The following PAK1 variants were observed in gnomAD, a reference collection of about 807,000 sequenced individuals.
The protein encoded by PAK1 is p21 (RAC1) activated kinase 1.
A neutral mutation model predicts 67.4 loss-of-function variants in PAK1; 29 were observed. That is an observed-to-expected ratio of 0.43 (90% confidence interval 0.32 to 0.59). PAK1 has a LOEUF of 0.59. Among genes scored for constraint, PAK1 ranks in the 20% least tolerant of loss-of-function variants. The probability of loss-of-function intolerance (pLI) is 0.07; values close to 1 mark genes in which losing one functional copy is unlikely to be tolerated. For missense variants in PAK1, 337 were observed against 670.7 expected (o/e 0.50, Z 5.50); for synonymous variants, 223 against 237.4 (o/e 0.94, Z 0.56).
chr11:77,391,046 T>G (rs1001212166), intron 2 of PAK1, among the ~76,000 whole-genome samples: 4 of 152,284 alleles, frequency 2.6e-5, no homozygotes, highest in African/African-American at 9.6e-5. Flanking sequence ...CCTAATTTGT[T>G]CCTTCTTTCT....
chr11:77,374,458 C>A, intron 4 of PAK1, 93 bp from the exon 5 acceptor site: 1 of 782,132 alleles, frequency 1.3e-6, no homozygotes, highest in Non-Finnish European at 2.2e-6. Flanking sequence ...CAAGCACGTG[C>A]CAGATTCAGA....
chr11:77,335,367 TCAG>T (rs1178464393), intron 13 of PAK1, among the ~76,000 whole-genome samples: 1 of 152,216 alleles, frequency 6.6e-6, no homozygotes, highest in Non-Finnish European at 1.5e-5. Flanking sequence ...ACACTTCAAA[TCAG>T]CACATTCAAA....
chr11:77,478,401 C>T (rs1362365481), upstream of PAK1, among the ~76,000 whole-genome samples: 3 of 152,162 alleles, frequency 2.0e-5, no homozygotes, highest in East Asian at 1.9e-4. Context: ...GCTCTTCTTA[C>T]ACTTTCTTTG....
chr11:77,475,837 CAG>C (rs1289638697), upstream of PAK1: 1 of 152,210 alleles, frequency 6.6e-6, no homozygotes, highest in Non-Finnish European at 1.5e-5. Context: ...GCACCTAAAA[CAG>C]TGCTTGACAT....
intron 1 of PAK1, among the ~76,000 whole-genome samples, chr11:77,398,896 A>C (rs1565666921): frequency 6.6e-6 from 1 of 152,226 alleles, no homozygotes; most frequent in African/African-American, 2.4e-5. Flanking sequence ...GGCAAATATA[A>C]AAATGTTATT....
chr11:77,431,973 T>C (rs1955881447), intron 1 of PAK1, among the ~76,000 whole-genome samples: 1 of 152,202 alleles, frequency 6.6e-6, no homozygotes, highest in Non-Finnish European at 1.5e-5. Context: ...TTTATCCCAC[T>C]CTTGTACTCT....
intron 1 of PAK1, among the ~76,000 whole-genome samples, chr11:77,428,008 G>A (rs1955645023): frequency 6.6e-6 from 1 of 152,176 alleles, no homozygotes; most frequent in Non-Finnish European, 1.5e-5. Context: ...AGCCAGTGGC[G>A]ATAGTTGGAG....
At chr11:77,377,331 A>C (rs1304525320) in intron 4 of PAK1, among the ~76,000 whole-genome samples, 1 of 152,208 alleles carries the variant, frequency 6.6e-6, no homozygotes, top group Non-Finnish European at 1.5e-5. Context: ...GAGGATGGTA[A>C]ATAGGGAAAG....
intron 1 of PAK1, among the ~76,000 whole-genome samples, chr11:77,414,205 A>G (rs1188036115): frequency 6.6e-6 from 1 of 152,250 alleles, no homozygotes; most frequent in Non-Finnish European, 1.5e-5. Flanking sequence ...TCTCCAAGAT[A>G]AATACTCCCA....
At chr11:77,361,980 C>T (rs1278662604) in intron 5 of PAK1, among the ~76,000 whole-genome samples, 2 of 152,062 alleles carry the variant, frequency 1.3e-5, no homozygotes, top group Non-Finnish European at 2.9e-5. Context: ...AAACAAGATA[C>T]TAGAACCAAA....
At chr11:77,420,208 C>T (rs113442358) in intron 1 of PAK1, among the ~76,000 whole-genome samples, 5 of 152,044 alleles carry the variant, frequency 3.3e-5, no homozygotes, top group African/African-American at 1.2e-4. Flanking sequence ...GAGTGAATCA[C>T]AAAAACAAAG....
At position 77,323,176 on chromosome 11, in the gene PAK1, G is replaced by A; in HGVS notation, c.*98C>T. ...AGTGCTAGATCAGGAAATGGGAGAAGCAAGGCAAGGAGAAGAGGGCATCAG... is the reference window on the plus strand; with the variant it reads ...AGTGCTAGATCAGGAAATGGGAGAAACAAGGCAAGGAGAAGAGGGCATCAG... On this transcript the variant is annotated 3_prime_UTR_variant, in exon 15 of 15. Coordinates refer to ENST00000356341, the MANE Select transcript of PAK1 (RefSeq NM_002576.5). 6.4e-7 allele frequency: 1 copy of A among 1,572,230 alleles called. No homozygotes were observed.
chr11:77,512,318 T>C, the PAK1 span, among the ~76,000 whole-genome samples: 1 of 152,134 alleles, frequency 6.6e-6, no homozygotes, highest in African/African-American at 2.4e-5. Context: ...CTGTGGTCCA[T>C]GGTGAGTGCC....
intron 1 of PAK1, among the ~76,000 whole-genome samples, chr11:77,415,628 A>T (rs1434646952): frequency 2.6e-5 from 4 of 152,124 alleles, no homozygotes; most frequent in Non-Finnish European, 5.9e-5. Flanking sequence ...AAAAAAAAAC[A>T]GTACATATGT....
At chr11:77,378,483 C>G (rs1486613755) in intron 4 of PAK1, among the ~76,000 whole-genome samples, 1 of 152,094 alleles carries the variant, frequency 6.6e-6, no homozygotes, top group African/African-American at 2.4e-5. Flanking sequence ...TATTAAATAA[C>G]TAATAATAAT....
At chr11:77,461,776 A>C (rs527304939) in intron 1 of PAK1, among the ~76,000 whole-genome samples, 1 of 152,226 alleles carries the variant, frequency 6.6e-6, no homozygotes, top group African/African-American at 2.4e-5. Context: ...TTAATGGAAC[A>C]AAGTCACATT....
At chr11:77,325,360 A>C (rs1363807586) in intron 14 of PAK1, 5 of 1,613,606 alleles carry the variant, frequency 3.1e-6, no homozygotes, top group Admixed American at 3.3e-5. Flanking sequence ...AAACACTTGA[A>C]ACCTCAGTTT....
intron 1 of PAK1, among the ~76,000 whole-genome samples, chr11:77,395,589 T>A (rs555405126): frequency 1.4e-4 from 21 of 151,362 alleles, no homozygotes; most frequent in Non-Finnish European, 2.5e-4. Flanking sequence ...TATTTACTTA[T>A]ACACACACAC....
chr11:77,493,197 C>T, the PAK1 span, among the ~76,000 whole-genome samples: 1 of 151,650 alleles, frequency 6.6e-6, no homozygotes, highest in African/African-American at 2.4e-5. Flanking sequence ...CTCCTGGCCT[C>T]AAATGATCCT....
Sources: gnomAD v4.1 joint callset for allele counts (sites outside exome capture counted in the v4.1 genomes callset) on GRCh38, gnomAD v4.1.1 for gene constraint, MANE v1.5 for transcripts, NCBI Gene and HGNC (gene_info 2026-07-23, HGNC 2026-07-21) for gene names.